STAU2: variants seen among roughly 807,000 people sequenced by gnomAD.
STAU2 encodes the protein double-stranded RNA-binding protein Staufen homolog 2.
Under a neutral mutation model 65.9 loss-of-function variants are expected in STAU2, and 20 were observed. The observed-to-expected ratio is 0.30, with a 90% CI of 0.21 to 0.44. The LOEUF (loss-of-function observed/expected upper bound fraction) is 0.44, where lower values mean the gene tolerates loss of function less well. STAU2 is among the 20% of genes least tolerant of loss of function. The pLI is 1.00. For synonymous variants in STAU2, 232 were observed against 233.9 expected, an observed-to-expected ratio of 0.99 and a Z score of 0.07; for missense variants, 558 against 683.9, an observed-to-expected ratio of 0.82 and a Z score of 2.05.
chr8:73,554,945 T>A (rs899106963), intron 12 of STAU2, among the ~76,000 whole-genome samples: 2 of 152,208 alleles, frequency 1.3e-5, no homozygotes, highest in Admixed American at 1.3e-4. Context: ...ACATCTTTAT[T>A]TCTATTGTTC....
chr8:73,470,524 G>A (rs1304984042), intron 13 of STAU2, among the ~76,000 whole-genome samples: 1 of 152,164 alleles, frequency 6.6e-6, no homozygotes, highest in African/African-American at 2.4e-5. Context: ...GAGGCCAGGC[G>A]CAGCAGCTCT....
chr8:73,694,017 T>C (rs577034593), intron 4 of STAU2, among the ~76,000 whole-genome samples: 147 of 152,296 alleles, frequency 9.7e-4, no homozygotes, highest in African/African-American at 3.4e-3. Flanking sequence ...GAAAAACATA[T>C]ACTGACATAA....
chr8:73,584,072 T>A (rs1293807278), intron 11 of STAU2, among the ~76,000 whole-genome samples: 1 of 152,184 alleles, frequency 6.6e-6, no homozygotes, highest in Non-Finnish European at 1.5e-5. Flanking sequence ...TAATCATACA[T>A]CTTAGGGTGA....
intron 5 of STAU2, among the ~76,000 whole-genome samples, chr8:73,675,885 T>C (rs1818001650): frequency 6.6e-6 from 1 of 152,166 alleles, no homozygotes; most frequent in African/African-American, 2.4e-5. Context: ...AACTTCCCGA[T>C]AGAACGGTGT....
chr8:73,449,114 C>CGA (rs969221093), intron 13 of STAU2, among the ~76,000 whole-genome samples: 6 of 152,348 alleles, frequency 3.9e-5, no homozygotes, highest in Non-Finnish European at 8.8e-5. Context: ...GAGCAGGGAC[C>CGA]GCGCAGCTCC....
At chr8:73,513,319 G>A (rs966727612) in intron 13 of STAU2, among the ~76,000 whole-genome samples, 1 of 151,880 alleles carries the variant, frequency 6.6e-6, no homozygotes, top group Non-Finnish European at 1.5e-5. Context: ...GATTCTTAGG[G>A]GTCACTCCCA....
At chr8:73,650,937 G>A (rs898054259) in intron 6 of STAU2, among the ~76,000 whole-genome samples, 5 of 152,150 alleles carry the variant, frequency 3.3e-5, no homozygotes, top group East Asian at 3.8e-4. Flanking sequence ...AAGCAAAAAC[G>A]TCAAGTCGAT....
At position 73,634,312 on chromosome 8, in the gene STAU2, G is replaced by A. The variant is rs572752044; in HGVS notation, c.411-16861C>T. ...GCGTTGGCCGGGGTGGGCGGATCAC[G>A]AGGTCAAGAGATTGAGACCATCCTG... is the stretch of plus-strand genomic sequence containing the variant. On this transcript the variant is annotated intron_variant, in intron 6 of 14. Coordinates refer to ENST00000524300, the MANE Select transcript of STAU2 (RefSeq NM_001164380.2). Among the ~76,000 whole-genome samples the A allele has an allele frequency of 3.0e-3, 454 of 151,986 alleles. 3 individuals are homozygous for A. Among genetic ancestry groups the A allele is most frequent in the African/African-American group, 0.01 (434 of 41,442 alleles).
At chr8:73,689,576 T>C (rs898940195) in intron 4 of STAU2, among the ~76,000 whole-genome samples, 4 of 152,168 alleles carry the variant, frequency 2.6e-5, no homozygotes, top group African/African-American at 9.7e-5. Context: ...TCCACTAACA[T>C]GCTCTGAATT....
intron 13 of STAU2, among the ~76,000 whole-genome samples, chr8:73,481,526 A>AAC (rs954854433): frequency 1.1e-4 from 16 of 150,306 alleles, no homozygotes; most frequent in East Asian, 4.2e-4. Flanking sequence ...CAAAAAAAAA[A>AAC]AACACTTTTT....
intron 13 of STAU2, among the ~76,000 whole-genome samples, chr8:73,478,078 A>G (rs1820412080): frequency 6.6e-6 from 1 of 150,924 alleles, no homozygotes; most frequent in African/African-American, 2.4e-5. Context: ...TGCAGTAAGT[A>G]CAGAAGGGAT....
intron 3 of STAU2, among the ~76,000 whole-genome samples, chr8:73,737,553 T>A (rs1014090296): frequency 6.7e-6 from 1 of 150,286 alleles, no homozygotes; most frequent in Non-Finnish European, 1.5e-5. Context: ...ATAAAAGTAT[T>A]TTGTTTCTTT....
intron 13 of STAU2, among the ~76,000 whole-genome samples, chr8:73,435,958 C>T (rs12681283): frequency 0.25 from 37,501 of 151,648 alleles, 5,573 homozygotes; most frequent in East Asian, 0.52. Flanking sequence ...CCCCTCACCC[C>T]TCACCACTTG....
chr8:73,482,394 A>C (rs929491721), intron 13 of STAU2, among the ~76,000 whole-genome samples: 1 of 152,158 alleles, frequency 6.6e-6, no homozygotes, highest in African/African-American at 2.4e-5. Flanking sequence ...ACATTTGCAC[A>C]TATGAACAAA....
intron 6 of STAU2, among the ~76,000 whole-genome samples, chr8:73,623,520 A>G (rs1303656240): frequency 6.6e-6 from 1 of 152,202 alleles, no homozygotes; most frequent in Non-Finnish European, 1.5e-5. Context: ...TCTAATAAGG[A>G]GAGGCTTTGG....
intron 13 of STAU2, among the ~76,000 whole-genome samples, chr8:73,464,951 C>T (rs769215286): frequency 1.3e-5 from 2 of 152,142 alleles, no homozygotes; most frequent in Admixed American, 6.5e-5. Context: ...GAGGTCATTG[C>T]CCAATGGAGG....
At chr8:73,573,988 T>A (rs1449461749) in intron 12 of STAU2, among the ~76,000 whole-genome samples, 1 of 151,932 alleles carries the variant, frequency 6.6e-6, no homozygotes, top group Non-Finnish European at 1.5e-5. Flanking sequence ...TAGGAGAAAA[T>A]TTTTGCAATC....
chr8:73,461,337 T>A (rs921906202), intron 13 of STAU2, among the ~76,000 whole-genome samples: 4 of 152,188 alleles, frequency 2.6e-5, no homozygotes, highest in African/African-American at 9.6e-5. Context: ...TCTGAGTATT[T>A]CCTAGTAAGG....
At position 73,739,833 on chromosome 8, in the gene STAU2, T is replaced by TA. The variant is rs367547275; in HGVS notation, c.-162dup. On this transcript the variant is annotated 5_prime_UTR_variant, in exon 2 of 15. It introduces an in-frame stop codon into an upstream open reading frame of the 5' UTR. Coordinates refer to ENST00000524300, the MANE Select transcript of STAU2 (RefSeq NM_001164380.2). Reference sequence around the variant, plus strand: ...TGTCTTCTTTTTTTTCTTCAATCTTTAAAAAGTAAGCTAAAGTCCTTGTGG... The same window carrying TA: ...TGTCTTCTTTTTTTTCTTCAATCTTTAAAAAAGTAAGCTAAAGTCCTTGTGG... 1,186 of 1,459,582 alleles carry TA rather than the reference T, an allele frequency of 8.1e-4. 10 individuals carry two copies. The African/African-American group carries it at 0.015, about 19-fold the overall frequency. 90.4% of individuals were successfully genotyped at this position (1,459,582 alleles called of 1,614,324 possible).
Sources: gnomAD v4.1 joint callset for allele counts (sites outside exome capture counted in the v4.1 genomes callset) on GRCh38, gnomAD v4.1.1 for gene constraint, MANE v1.5 for transcripts, NCBI Gene and HGNC (gene_info 2026-07-23, HGNC 2026-07-21) for gene names.